The following PIEZO2 variants were observed in gnomAD, a reference collection of about 807,000 sequenced individuals.
PIEZO2 encodes the protein piezo-type mechanosensitive ion channel component 2.
Under a neutral mutation model 337.3 loss-of-function variants are expected in PIEZO2, and 172 were observed. That is an observed-to-expected ratio of 0.51 (90% CI 0.45 to 0.58). The LOEUF (loss-of-function observed/expected upper bound fraction) is 0.58. PIEZO2 is among the 20% of genes least tolerant of loss of function. PIEZO2 has a pLI of 0.00. For missense variants in PIEZO2, 3,028 were observed against 3,391.3 expected (o/e 0.89, Z 2.66); for synonymous variants, 1,251 against 1,228.5 (o/e 1.02, Z -0.38).
In PIEZO2 at chr18:10,809,260, C is replaced by CTTTTTTTTTTTTT. The variant is rs869210659; in HGVS notation, c.918-1999_918-1987dup. Among the ~76,000 whole-genome samples, 9 of 65,834 alleles carry CTTTTTTTTTTTTT rather than the reference C, an allele frequency of 1.4e-4. 1 individual carries two copies. Among genetic ancestry groups the CTTTTTTTTTTTTT allele is most frequent in the African/African-American group, 4.7e-4 (8 of 17,000 alleles). The allele number at this position is 65,834 out of a possible 152,430, so 43.2% of individuals were successfully genotyped here. Reference sequence around the variant, plus strand: ...ACCTAAGATTTCTCTCTCTCTCTCTCTTTTTTTTTTTTTTTTTTTTTTTTT... The same window carrying CTTTTTTTTTTTTT: ...ACCTAAGATTTCTCTCTCTCTCTCTCTTTTTTTTTTTTTTTTTTTTTTTTTTTTTTTTTTTTTT... On this transcript the variant is annotated intron_variant, in intron 7 of 55. Transcript: ENST00000674853.
At position 10,988,842 on chromosome 18, in the gene PIEZO2, A is replaced by G. The variant is rs2034980748; in HGVS notation, c.161-9182T>C. Among the ~76,000 whole-genome samples the G allele has an allele frequency of 6.6e-6, 1 of 152,188 alleles. No individual in the cohort carries two copies. Among genetic ancestry groups the G allele is most frequent in the African/African-American group, 2.4e-5 (1 of 41,460 alleles). ...TGAAATAAGCTAGACACAAACAAATACTACATGATCTCATGTATATGTGGA... is the reference window on the plus strand; with the variant it reads ...TGAAATAAGCTAGACACAAACAAATGCTACATGATCTCATGTATATGTGGA... On this transcript the variant is annotated intron_variant, in intron 2 of 55. Transcript: ENST00000674853. The surrounding 1 kb of genome is among the most constrained non-coding windows in gnomAD (Gnocchi z 4.8).
At position 11,033,332 on chromosome 18, in the gene PIEZO2, G is replaced by A. The variant is rs1400669101; in HGVS notation, c.160+32795C>T. Reference sequence around the variant, plus strand: ...CACTAGACCACCAGGACTTAGGGCAGGACTCCAGCCAGAGTGCAAGATCTC... The same window carrying A: ...CACTAGACCACCAGGACTTAGGGCAAGACTCCAGCCAGAGTGCAAGATCTC... On this transcript the variant is annotated intron_variant, in intron 2 of 55. Transcript: ENST00000674853. The surrounding 1 kb of genome is among the most constrained non-coding windows in gnomAD (Gnocchi z 4.2). 6.6e-6 allele frequency among the ~76,000 whole-genome samples: 1 copy of A among 152,206 alleles called. No homozygotes were observed. The highest frequency in any genetic ancestry group is 1.5e-5 in the Non-Finnish European group (1 of 68,028).
chr18:10,760,915 A>C lies in PIEZO2; in HGVS notation c.3446T>G (p.Leu1149Arg). 1 of 1,528,666 alleles carries C rather than the reference A, an allele frequency of 6.5e-7. No individual in the cohort carries two copies. Among genetic ancestry groups the C allele is most frequent in the Non-Finnish European group, 8.8e-7 (1 of 1,140,414 alleles). The allele number at this position is 1,528,666 out of a possible 1,614,324, so 94.7% of individuals were successfully genotyped here. ...FINYFFYKFGLETCFLMSVNV... is the reference protein window; with the variant it reads ...FINYFFYKFGRETCFLMSVNV... Reference sequence around the variant, plus strand: ...CATATCAGCAAGGAAACTCACCTCCAGACCAAACTTGTAAAAGAAGTAATT... The same window carrying C: ...CATATCAGCAAGGAAACTCACCTCCCGACCAAACTTGTAAAAGAAGTAATT... Residue 1149 changes from leucine (L) to arginine (R), a missense_variant, in exon 24 of 56, where the codon CTG (leucine) becomes CGG (arginine). Leu to Arg is a moderately radical substitution (Grantham distance 102). Around this residue, in one of 5 missense-constraint regions of PIEZO2, gnomAD observed 1,925 missense variants for 2,051.9 expected, o/e 0.94. Transcript: ENST00000674853.
At chr18:10,901,792 C>T (rs1453038153) in intron 4 of PIEZO2, among the ~76,000 whole-genome samples, 1 of 152,070 alleles carries the variant, frequency 6.6e-6, no homozygotes. Flanking sequence ...AGTAATACAA[C>T]TTCATCTGAT....
At chr18:10,936,104 A>G (rs1006341192) in intron 3 of PIEZO2, among the ~76,000 whole-genome samples, 4 of 152,162 alleles carry the variant, frequency 2.6e-5, no homozygotes, top group East Asian at 1.9e-4. Flanking sequence ...AAGAGAAGCA[A>G]TGGTTTGTGG....
chr18:10,701,278 G>C (rs755180508), intron 43 of PIEZO2, among the ~76,000 whole-genome samples: 1 of 152,188 alleles, frequency 6.6e-6, no homozygotes, highest in Admixed American at 6.5e-5. Context: ...ATTAAATGGC[G>C]TATTTACAAG....
intron 17 of PIEZO2, among the ~76,000 whole-genome samples, chr18:10,782,152 TATA>T (rs1479229384): frequency 7.1e-6 from 1 of 140,796 alleles, no homozygotes; most frequent in East Asian, 2.0e-4. Flanking sequence ...TGTAAAATGT[TATA>T]ATTATATATT....
At chr18:10,873,279 A>T (rs1396065539) in intron 4 of PIEZO2, among the ~76,000 whole-genome samples, 1 of 152,154 alleles carries the variant, frequency 6.6e-6, no homozygotes, top group Non-Finnish European at 1.5e-5. Flanking sequence ...AATTAATCCA[A>T]CCAACCATCA....
intron 20 of PIEZO2, among the ~76,000 whole-genome samples, chr18:10,772,651 T>C (rs1404810456): frequency 6.6e-6 from 1 of 152,186 alleles, no homozygotes; most frequent in African/African-American, 2.4e-5. Flanking sequence ...AAGTGCAGCA[T>C]CTTAAGATCA....
intron 5 of PIEZO2, among the ~76,000 whole-genome samples, chr18:10,857,569 C>G (rs79789473): frequency 1.3e-5 from 2 of 152,138 alleles, no homozygotes; most frequent in East Asian, 3.9e-4. Context: ...GAGTTGGCCA[C>G]CAAGGTGATA....
In PIEZO2 at chr18:10,993,717, C is replaced by T. The variant is rs571665410; in HGVS notation, c.161-14057G>A. Among the ~76,000 whole-genome samples the T allele has an allele frequency of 2.0e-5, 3 of 152,092 alleles. No individual in the cohort carries two copies. Among genetic ancestry groups the T allele is most frequent in the Admixed American group, 6.5e-5 (1 of 15,270 alleles). Reference sequence around the variant, plus strand: ...AATTTTTCTGTATTTTTAGTAGAGACGGTGTTTCACCATGTTAGCCAGGAT... The same window carrying T: ...AATTTTTCTGTATTTTTAGTAGAGATGGTGTTTCACCATGTTAGCCAGGAT... On this transcript the variant is annotated intron_variant, in intron 2 of 55. Coordinates refer to ENST00000674853, the MANE Select transcript of PIEZO2 (RefSeq NM_001378183.1). The surrounding 1 kb of genome is among the most constrained non-coding windows in gnomAD (Gnocchi z 5.0).
At chr18:10,772,571 C>T (rs1353835174) in intron 20 of PIEZO2, among the ~76,000 whole-genome samples, 4 of 152,162 alleles carry the variant, frequency 2.6e-5, no homozygotes, top group South Asian at 4.1e-4. Flanking sequence ...GGGCACAAAC[C>T]TTTGGAAGGG....
intron 2 of PIEZO2, among the ~76,000 whole-genome samples, chr18:11,023,669 G>A (rs2036407204): frequency 6.6e-6 from 1 of 152,252 alleles, no homozygotes; most frequent in South Asian, 2.1e-4. Flanking sequence ...GCCCTTGGGT[G>A]GTCCCTGTTC....
At position 10,834,202 on chromosome 18, in the gene PIEZO2, G is replaced by A. The variant is rs554726480; in HGVS notation, c.917+21151C>T. ...ATTTTAAAATATGCAGTACATTATC[G>A]TTGACTGTAGTCATTCTGTTGTGCT... On this transcript the variant is annotated intron_variant, in intron 7 of 55. Transcript: ENST00000674853. The surrounding 1 kb of genome is among the most constrained non-coding windows in gnomAD (Gnocchi z 4.5). Among the ~76,000 whole-genome samples, 10 of 152,220 alleles carry A rather than the reference G, an allele frequency of 6.6e-5. No homozygotes were observed. The highest frequency in any genetic ancestry group is 1.4e-4 in the African/African-American group (6 of 41,538).
At position 11,148,603 on chromosome 18, in the gene PIEZO2, G is replaced by A. The variant is rs531991579; in HGVS notation, c.-15C>T. The A allele has an allele frequency of 5.9e-6, 9 of 1,536,860 alleles. No homozygotes were observed. The highest frequency in any genetic ancestry group is 4.9e-5 in the East Asian group (2 of 40,878). ...TCTGAGGCCATCGCGTCGGTCCGGCGAGTCGGAGCAGAGGGGCGAGGCTCG... is the reference window on the plus strand; with the variant it reads ...TCTGAGGCCATCGCGTCGGTCCGGCAAGTCGGAGCAGAGGGGCGAGGCTCG... On this transcript the variant is annotated 5_prime_UTR_variant, in exon 1 of 56. Coordinates refer to ENST00000674853, the MANE Select transcript of PIEZO2 (RefSeq NM_001378183.1). The surrounding 1 kb of genome is among the most constrained non-coding windows in gnomAD (Gnocchi z 5.2).
rs77196331 is a variant in PIEZO2 at position 11,009,066 on chromosome 18, A to C, written c.161-29406T>G. Among the ~76,000 whole-genome samples the C allele has an allele frequency of 9.0e-3, 1,373 of 152,274 alleles. 11 individuals carry two copies. The highest frequency in any genetic ancestry group is 0.014 in the Non-Finnish European group (960 of 68,016). On this transcript the variant is annotated intron_variant, in intron 2 of 55. Transcript: ENST00000674853. This position sits in a 1 kb window ranked among gnomAD's most constrained non-coding sequence, Gnocchi z 4.6. ...CTTGAAGATTGAATTCTGTTACTTAACTACGTACGTGATTGTGTTCAAATC... is the reference window on the plus strand; with the variant it reads ...CTTGAAGATTGAATTCTGTTACTTACCTACGTACGTGATTGTGTTCAAATC...
intron 3 of PIEZO2, among the ~76,000 whole-genome samples, chr18:10,937,020 G>A (rs1057254348): frequency 1.2e-4 from 19 of 152,236 alleles, no homozygotes; most frequent in Admixed American, 1.2e-3. Flanking sequence ...AGTCTACTCT[G>A]GTTCTTCCAC....
intron 1 of PIEZO2, among the ~76,000 whole-genome samples, chr18:11,108,519 C>T (rs1373353217): frequency 2.1e-5 from 3 of 144,782 alleles, no homozygotes; most frequent in Non-Finnish European, 4.5e-5. Context: ...GAGGCTGAGG[C>T]AGGAGAATGG....
rs931317170 is a variant in PIEZO2 at position 10,773,455 on chromosome 18, G to A, written c.2742C>T (p.Asp914=). ...LGKDSEESEE[D]GEEEEESEEE... ...CCTCGGATTCCTCCTCTTCCTCTCC[G>A]TCCTCCTCTGACTCCTCGCTGTCTT... is the stretch of plus-strand genomic sequence containing the variant. Residue 914 remains aspartate (D), a synonymous_variant, in exon 20 of 56, where the codon GAC becomes GAT. Coordinates refer to ENST00000674853, the MANE Select transcript of PIEZO2 (RefSeq NM_001378183.1). The surrounding 1 kb of genome is among the most constrained non-coding windows in gnomAD (Gnocchi z 5.3). The A allele has an allele frequency of 7.1e-5, 109 of 1,537,110 alleles. No homozygotes were observed. The highest frequency in any genetic ancestry group is 2.4e-4 in the East Asian group (10 of 40,912).
Sources: gnomAD v4.1 joint callset for allele counts (sites outside exome capture counted in the v4.1 genomes callset) on GRCh38, gnomAD v4.1.1 for gene constraint, gnomAD v4.1.1 regional missense constraint, Gnocchi (gnomAD v3.1) non-coding constraint, MANE v1.5 for transcripts, NCBI Gene and HGNC (gene_info 2026-07-23, HGNC 2026-07-21) for gene names.